CDC14B: variants seen among roughly 807,000 people sequenced by gnomAD.
CDC14B encodes the protein cell division cycle 14B.
In CDC14B, 22 loss-of-function variants were observed where a neutral mutation model predicts 64.2. The ratio of observed to expected loss-of-function variants is 0.34; its 90% CI spans 0.24 to 0.49. The LOEUF is 0.49. CDC14B is among the 20% of genes least tolerant of loss of function. The pLI, the probability that CDC14B is intolerant of heterozygous loss-of-function variation, is 0.99. For synonymous variants in CDC14B, 191 were observed against 215.8 expected (o/e 0.89, Z 1.01); for missense variants, 498 against 629.9 (o/e 0.79, Z 2.24).
intron 4 of CDC14B, among the ~76,000 whole-genome samples, chr9:96,558,594 G>T (rs1023991973): frequency 2.6e-5 from 4 of 152,130 alleles, no homozygotes; most frequent in Admixed American, 1.3e-4. Flanking sequence ...TGGATTTTGT[G>T]TATGACATTT....
At chr9:96,579,314 G>A (rs1844996855) in intron 1 of CDC14B, among the ~76,000 whole-genome samples, 4 of 151,970 alleles carry the variant, frequency 2.6e-5, no homozygotes, top group Admixed American at 2.6e-4. Flanking sequence ...CAGGCCAGGC[G>A]CAGTGGCTCA....
intron 7 of CDC14B, among the ~76,000 whole-genome samples, chr9:96,537,299 G>C (rs987036925): frequency 4.6e-5 from 7 of 152,012 alleles, no homozygotes; most frequent in Admixed American, 1.3e-4. Flanking sequence ...AAAAAAGAAA[G>C]AAAGAAAAAT....
intron 1 of CDC14B, among the ~76,000 whole-genome samples, chr9:96,594,249 T>C (rs1845939314): frequency 2.0e-5 from 3 of 152,106 alleles, no homozygotes; most frequent in African/African-American, 2.4e-5. Context: ...ATGCCCTGAA[T>C]TAACGACATG....
chr9:96,555,700 ACT>A lies in CDC14B; in HGVS notation c.421-3830_421-3829del, dbSNP rs377201143. 1.6e-3 allele frequency among the ~76,000 whole-genome samples: 250 copies of A among 152,242 alleles called. 3 individuals carry two copies. Among genetic ancestry groups the A allele is most frequent in the African/African-American group, 5.7e-3 (235 of 41,558 alleles). ...AAGACCTTGTTTCTCTAGGATAAAG[ACT>A]CTCTCTGAACGAGCAAATATCACAC... On this transcript the variant is annotated intron_variant, in intron 4 of 13. Transcript: ENST00000375241.
chr9:96,596,544 TGAAAA>T (rs1199555260), intron 1 of CDC14B, among the ~76,000 whole-genome samples: 1 of 151,378 alleles, frequency 6.6e-6, no homozygotes, highest in Non-Finnish European at 1.5e-5. Flanking sequence ...ACTCTACAAA[TGAAAA>T]GAGAAGGGAA....
At chr9:96,496,638 G>A (rs367718901), downstream of CDC14B, among the ~76,000 whole-genome samples, 3 of 152,132 alleles carry the variant, frequency 2.0e-5, no homozygotes, top group African/African-American at 4.8e-5. Flanking sequence ...GCTGGGTCCC[G>A]GCTGACCCCG....
At chr9:96,505,702 T>A (rs1834030511) in intron 13 of CDC14B, among the ~76,000 whole-genome samples, 1 of 152,046 alleles carries the variant, frequency 6.6e-6, no homozygotes, top group African/African-American at 2.4e-5. Flanking sequence ...CCCACTCACC[T>A]CCCTCTCCAG....
intron 5 of CDC14B, among the ~76,000 whole-genome samples, chr9:96,542,913 G>T (rs1840272103): frequency 6.6e-6 from 1 of 152,012 alleles, no homozygotes; most frequent in African/African-American, 2.4e-5. Context: ...GGAGGCTAAG[G>T]CAGAGAATTG....
exon 14 of CDC14B, chr9:96,492,125 C>A (rs992081024): frequency 6.6e-6 from 1 of 152,286 alleles, no homozygotes; most frequent in East Asian, 1.9e-4. Context: ...AGGCAGGGCA[C>A]CCTGGGCACC....
chr9:96,569,925 C>T lies in CDC14B; in HGVS notation c.161-4442G>A, dbSNP rs992545622. 9.8e-5 allele frequency among the ~76,000 whole-genome samples: 15 copies of T among 152,286 alleles called. No individual in the cohort carries two copies. In the South Asian group the frequency reaches 1.9e-3, roughly 19 times the overall value. ...TTTACAAAGTTTGCTTAAAGCTTGA[C>T]GATTAACTTTATAATCCTGTTAAAA... On this transcript the variant is annotated intron_variant, in intron 1 of 13. Coordinates refer to ENST00000375241, the MANE Select transcript of CDC14B (RefSeq NM_033331.4).
At chr9:96,521,236 T>C (rs1836666714) in intron 12 of CDC14B, among the ~76,000 whole-genome samples, 1 of 152,032 alleles carries the variant, frequency 6.6e-6, no homozygotes, top group East Asian at 1.9e-4. Context: ...CCCACCATCA[T>C]GCCCGGCTAG....
chr9:96,512,362 C>G (rs551723737), intron 12 of CDC14B, among the ~76,000 whole-genome samples: 2 of 143,508 alleles, frequency 1.4e-5, no homozygotes, highest in Non-Finnish European at 3.0e-5. Flanking sequence ...GGGTCTCACT[C>G]TGTTGCCCAG....
rs1360396361 is a variant in CDC14B at position 96,561,887 on chromosome 9, G to A, written c.420+806C>T. Reference sequence around the variant, plus strand: ...CCCTGGCTACTCCCCACTGAACAGCGTGGCCAGCTTTCTCACCACCAGACA... The same window carrying A: ...CCCTGGCTACTCCCCACTGAACAGCATGGCCAGCTTTCTCACCACCAGACA... On this transcript the variant is annotated intron_variant, in intron 4 of 13. Transcript: ENST00000375241. Among the ~76,000 whole-genome samples the A allele has an allele frequency of 6.6e-5, 10 of 152,186 alleles. 1 individual carries two copies. Among genetic ancestry groups the A allele is most frequent in the East Asian group, 3.9e-4 (2 of 5,186 alleles).
chr9:96,494,334 C>T (rs1833162510), intron 13 of CDC14B, among the ~76,000 whole-genome samples: 2 of 152,250 alleles, frequency 1.3e-5, no homozygotes, highest in African/African-American at 4.8e-5. Flanking sequence ...GAGTGTTTGC[C>T]TCTGTGCTCA....
exon 14 of CDC14B, chr9:96,491,509 A>C (rs1833095822): frequency 1.3e-5 from 2 of 152,164 alleles, no homozygotes; most frequent in South Asian, 4.1e-4. Flanking sequence ...AGGTTTATCA[A>C]CTGAGTGTTT....
intron 1 of CDC14B, 42 bp downstream of exon 1, chr9:96,619,172 CGGGTG>C (rs1281346066): frequency 2.5e-6 from 3 of 1,216,516 alleles, no homozygotes; most frequent in Non-Finnish European, 2.1e-6. Flanking sequence ...GGCCCCGCGC[CGGGTG>C]CGGCCGTCCG....
In CDC14B at chr9:96,500,285, A is replaced by G. The variant is rs1285894678; in HGVS notation, c.*3468T>C. 3 of 152,640 alleles carry G rather than the reference A, an allele frequency of 2.0e-5. No homozygotes were observed. Among genetic ancestry groups the G allele is most frequent in the Admixed American group, 2.0e-4 (3 of 15,290 alleles). 9.5% of individuals were successfully genotyped at this position (152,640 alleles called of 1,614,324 possible). A position where few individuals can be genotyped will look rare whatever the true frequency, so the allele number is the denominator to read the frequency against. On this transcript the variant is annotated 3_prime_UTR_variant, in exon 14 of 14. Transcript: ENST00000375241. ...GAAGCTTTATCTTAAAAATACCTTC[A>G]GGAAAATAAACATTCATTCAACCAG...
rs575538420 is a variant in CDC14B, at chr9:96,604,656, C to G, written c.160+14563G>C. Among the ~76,000 whole-genome samples the G allele has an allele frequency of 1.8e-3, 272 of 151,596 alleles. 3 individuals carry two copies. Among genetic ancestry groups the G allele is most frequent in the African/African-American group, 6.4e-3 (265 of 41,298 alleles). On this transcript the variant is annotated intron_variant, in intron 1 of 13. Transcript: ENST00000375241. ...TACAGGCATGAGCCACCACACCTGGCCTTTTTTTTTGCGGGGGGCGGGGCA... is the reference window on the plus strand; with the variant it reads ...TACAGGCATGAGCCACCACACCTGGGCTTTTTTTTTGCGGGGGGCGGGGCA...
chr9:96,526,300 G>A lies in CDC14B; in HGVS notation c.947-2575C>T, dbSNP rs181575433. Among the ~76,000 whole-genome samples the A allele has an allele frequency of 3.1e-3, 474 of 152,236 alleles. 5 individuals carry two copies. Among genetic ancestry groups the A allele is most frequent in the African/African-American group, 0.011 (448 of 41,532 alleles). Reference sequence around the variant, plus strand: ...GGAGAATGGCGTGAACCCGGGAGGCGGAGCTTGCAGTGAGCTGAGATCGCG... The same window carrying A: ...GGAGAATGGCGTGAACCCGGGAGGCAGAGCTTGCAGTGAGCTGAGATCGCG... On this transcript the variant is annotated intron_variant, in intron 9 of 13. Coordinates refer to ENST00000375241, the MANE Select transcript of CDC14B (RefSeq NM_033331.4).
Sources: gnomAD v4.1 joint callset for allele counts (sites outside exome capture counted in the v4.1 genomes callset) on GRCh38, gnomAD v4.1.1 for gene constraint, MANE v1.5 for transcripts, NCBI Gene and HGNC (gene_info 2026-07-23, HGNC 2026-07-21) for gene names.